The following KMT2E variants were observed in gnomAD, a reference collection of about 807,000 sequenced individuals.
The protein encoded by KMT2E is histone reader KMT2E.
In KMT2E, 30 loss-of-function variants were observed where a neutral mutation model predicts 184.6. That is an observed-to-expected ratio of 0.16 (90% CI 0.12 to 0.22). The LOEUF is 0.22. KMT2E is among the 10% of genes least tolerant of loss of function. The pLI is 1.00. For synonymous variants in KMT2E, 815 were observed against 776.5 expected, an observed-to-expected ratio of 1.05 and a Z score of -0.82; for missense variants, 2,023 against 2,237.4, an observed-to-expected ratio of 0.90 and a Z score of 1.93.
At chr7:105,082,498 A>G (rs1046053421) in intron 13 of KMT2E, among the ~76,000 whole-genome samples, 2 of 152,218 alleles carry the variant, frequency 1.3e-5, no homozygotes, top group African/African-American at 4.8e-5. Flanking sequence ...TAAGAAAATC[A>G]TAAGGAAGAT....
chr7:105,092,524 T>G (rs1798247509), intron 15 of KMT2E, among the ~76,000 whole-genome samples: 1 of 152,228 alleles, frequency 6.6e-6, no homozygotes, highest in Non-Finnish European at 1.5e-5. Context: ...AAGAACTGTT[T>G]CAGAGCCTTA....
At chr7:105,105,029 G>A (rs192896072) in intron 17 of KMT2E, 504 of 154,842 alleles carry the variant, frequency 3.3e-3, no homozygotes, top group Non-Finnish European at 4.8e-3. Context: ...TTAGCCAGGC[G>A]TGGTGGTGAG....
At position 105,113,641 on chromosome 7, in the gene KMT2E, A is replaced by G. The variant is rs1268853578; in HGVS notation, c.*308A>G. The G allele has an allele frequency of 1.2e-5, 3 of 253,882 alleles. No individual in the cohort carries two copies. The highest frequency in any genetic ancestry group is 5.1e-5 in the Admixed American group (1 of 19,662). 15.7% of individuals were successfully genotyped at this position (253,882 alleles called of 1,614,324 possible). ...GTTAAATTCATTTAGTGAATGTTCT[A>G]TTATTTTATACATACACATTAAGTA... On this transcript the variant is annotated 3_prime_UTR_variant, in exon 27 of 27. Transcript: ENST00000311117.
At chr7:105,058,256 T>G (rs1302493657) in intron 3 of KMT2E, among the ~76,000 whole-genome samples, 1 of 152,168 alleles carries the variant, frequency 6.6e-6, no homozygotes, top group Non-Finnish European at 1.5e-5. Flanking sequence ...CAGTATGATA[T>G]TTTATAGGTG....
intron 17 of KMT2E, 50 bp downstream of exon 17, chr7:105,102,244 T>C: frequency 6.8e-7 from 1 of 1,474,170 alleles, no homozygotes; most frequent in Non-Finnish European, 9.1e-7. Context: ...TTTCTTATAT[T>C]AATTATATTG....
chr7:105,113,776 G>A lies in KMT2E; in HGVS notation c.*443G>A, dbSNP rs765390849. On this transcript the variant is annotated 3_prime_UTR_variant, in exon 27 of 27. Transcript: ENST00000311117. ...GCAATACAGATTTTTATATTTTGGT[G>A]TGGACATGGCTCATTTTGTTTTACC... 1.9e-5 allele frequency: 3 copies of A among 156,790 alleles called. No individual in the cohort carries two copies. The highest frequency in any genetic ancestry group is 4.8e-5 in the African/African-American group (2 of 41,526). The allele number at this position is 156,790 out of a possible 1,614,324, so 9.7% of individuals were successfully genotyped here.
At position 105,107,501 on chromosome 7, in the gene KMT2E, G is replaced by A. The variant is rs1247722167; in HGVS notation, c.3044G>A (p.Gly1015Glu). The A allele has an allele frequency of 6.2e-7, 1 of 1,614,136 alleles. No homozygotes were observed. The highest frequency in any genetic ancestry group is 1.7e-5 in the Admixed American group (1 of 60,014). Reference protein sequence around the residue: ...SRTEVNRQCPGEKEPVSDLQL... With the variant: ...SRTEVNRQCPEEKEPVSDLQL... Reference sequence around the variant, plus strand: ...ACTGAAGTCAACAGGCAGTGTCCTGGAGAAAAGGAACCTGTGTCAGACCTT... The same window carrying A: ...ACTGAAGTCAACAGGCAGTGTCCTGAAGAAAAGGAACCTGTGTCAGACCTT... The change falls in exon 22 of 27, where the codon GGA (glycine) becomes GAA (glutamate). Residue 1015 changes from glycine (G) to glutamate (E), a missense_variant. Physicochemically the swap from Gly to Glu is moderately conservative, Grantham distance 98. Around this residue, in one of 8 missense-constraint regions of KMT2E, gnomAD observed 1,108 missense variants for 1,050.9 expected, o/e 1.05. Coordinates refer to ENST00000311117, the MANE Select transcript of KMT2E (RefSeq NM_182931.3).
intron 3 of KMT2E, among the ~76,000 whole-genome samples, chr7:105,044,420 T>G (rs1341975398): frequency 6.6e-6 from 1 of 152,202 alleles, no homozygotes; most frequent in Non-Finnish European, 1.5e-5. Context: ...AATACCATGT[T>G]GACTTAGAAT....
At chr7:105,063,290 T>G in intron 4 of KMT2E, 61 bp from the exon 5 acceptor site, 1 of 1,203,846 alleles carries the variant, frequency 8.3e-7, no homozygotes, top group Non-Finnish European at 1.2e-6. Context: ...TTTAAGTTGC[T>G]TGGTTTATAT....
intron 20 of KMT2E, 43 bp from the exon 21 acceptor site, chr7:105,107,123 C>A: frequency 2.0e-6 from 2 of 1,015,152 alleles, no homozygotes; most frequent in Non-Finnish European, 2.9e-6. Flanking sequence ...GATATACTTA[C>A]GTATTTTTAA....
At chr7:105,043,385 C>T (rs1308311360) in intron 3 of KMT2E, among the ~76,000 whole-genome samples, 3 of 150,876 alleles carry the variant, frequency 2.0e-5, no homozygotes, top group African/African-American at 4.9e-5. Flanking sequence ...TACAGGCGCC[C>T]GCCACTACGC....
rs763693957 is a variant in KMT2E at position 105,107,234 on chromosome 7, A to C, written c.2904+12A>C. ...CTTATAGTCAAGAGGTAAGAAGTTA[A>C]CTTAAAAAGGGTGAATTGGTAGTTT... On this transcript the variant is annotated intron_variant, in intron 21 of 26. Transcript: ENST00000311117. The C allele has an allele frequency of 9.8e-5, 152 of 1,546,526 alleles. No homozygotes were observed. Among genetic ancestry groups the C allele is most frequent in the Non-Finnish European group, 1.3e-4 (148 of 1,141,674 alleles).
chr7:105,107,785 G>C lies in KMT2E; in HGVS notation c.3328G>C (p.Asp1110His). 6.2e-7 allele frequency: 1 copy of C among 1,614,158 alleles called. No homozygotes were observed. The highest frequency in any genetic ancestry group is 8.5e-7 in the Non-Finnish European group (1 of 1,180,018). The change falls in exon 22 of 27, where the codon GAT becomes CAT. Residue 1110 changes from aspartate to histidine, a missense_variant. Around this residue, in one of 8 missense-constraint regions of KMT2E, gnomAD observed 1,108 missense variants for 1,050.9 expected, o/e 1.05. Coordinates refer to ENST00000311117, the MANE Select transcript of KMT2E (RefSeq NM_182931.3). ...AAGTGAGTCAAAGTGCCTGATGCAG[G>C]ATGATACTAGAGGCATGTTTATGGA... ...RISESKCLMQ[D>H]DTRGMFMETT...
chr7:105,038,079 T>C (rs1051274079), intron 1 of KMT2E, 47 bp from the exon 2 acceptor site: 1 of 152,222 alleles, frequency 6.6e-6, no homozygotes, highest in East Asian at 1.9e-4. Flanking sequence ...TATAATTTTA[T>C]GCCATTTAAA....
chr7:105,085,266 C>T (rs992792151), intron 13 of KMT2E, among the ~76,000 whole-genome samples: 1 of 152,166 alleles, frequency 6.6e-6, no homozygotes, highest in Non-Finnish European at 1.5e-5. Flanking sequence ...TACAAACACC[C>T]AGCCAGGTGC....
At chr7:105,092,416 T>G (rs1798244155) in intron 15 of KMT2E, among the ~76,000 whole-genome samples, 3 of 152,258 alleles carry the variant, frequency 2.0e-5, no homozygotes, top group East Asian at 3.9e-4. Context: ...AAAAAAAGTT[T>G]GGTCATTGTT....
At chr7:105,016,828 C>CT (rs1356468120) in intron 1 of KMT2E, among the ~76,000 whole-genome samples, 1 of 152,152 alleles carries the variant, frequency 6.6e-6, no homozygotes, top group Non-Finnish European at 1.5e-5. Flanking sequence ...CATATGGTGA[C>CT]TGTATCAACT....
At chr7:105,047,176 A>G (rs1476331544) in intron 3 of KMT2E, among the ~76,000 whole-genome samples, 3 of 152,228 alleles carry the variant, frequency 2.0e-5, no homozygotes, top group African/African-American at 7.2e-5. Context: ...TGAGTGCCCA[A>G]AGTTTTTCTT....
In KMT2E at chr7:105,112,121, G is replaced by A. The variant is rs181236443; in HGVS notation, c.4365G>A (p.Thr1455=). 1.9e-5 allele frequency: 30 copies of A among 1,613,996 alleles called. No homozygotes were observed. The highest frequency in any genetic ancestry group is 6.6e-5 in the South Asian group (6 of 91,064). Residue 1455 remains threonine (T), a synonymous_variant, in exon 27 of 27, where the codon ACG becomes ACA. Transcript: ENST00000311117. ...TAGAAAATCCTCCAAAGTCATCCAC[G>A]CCTCACACACCTGTACAGCATGGTT... ...PHLENPPKSS[T]PHTPVQHGYL... is the part of the protein sequence containing the mutation.
Sources: allele counts gnomAD v4.1 joint callset (sites outside exome capture counted in the v4.1 genomes callset), GRCh38; gene constraint gnomAD v4.1.1; regional missense constraint gnomAD v4.1.1; transcripts MANE v1.5; gene names NCBI Gene and HGNC (gene_info 2026-07-23, HGNC 2026-07-21).